The following ATP11C variants were observed in gnomAD, a reference collection of about 807,000 sequenced individuals.
ATP11C encodes ATPase phospholipid transporting 11C (ATP11C blood group).
Under a neutral mutation model 97.4 loss-of-function variants are expected in ATP11C, and 36 were observed. That is an observed-to-expected ratio of 0.37 (90% CI 0.28 to 0.49). ATP11C has a LOEUF of 0.49. ATP11C is among the 20% of genes least tolerant of loss of function. The probability of loss-of-function intolerance (pLI) is 0.98; values close to 1 mark genes in which losing one functional copy is unlikely to be tolerated. For synonymous variants in ATP11C, 275 were observed against 290.9 expected (o/e 0.95, Z 0.56); for missense variants, 730 against 824.6 (o/e 0.89, Z 1.40).
chrX:139,866,138 G>T (rs2084277640), intron 1 of ATP11C, among the ~76,000 whole-genome samples: 1 of 109,877 alleles, frequency 9.1e-6, no homozygotes, highest in African/African-American at 3.3e-5. Flanking sequence ...GAGGTCAGGA[G>T]TTCGAGACCA....
intron 1 of ATP11C, among the ~76,000 whole-genome samples, chrX:139,874,707 T>C: frequency 9.4e-6 from 1 of 105,900 alleles, no homozygotes; most frequent in Non-Finnish European, 1.9e-5. Flanking sequence ...CAGAGCTCTG[T>C]GTGTCAGGCC....
At chrX:139,779,509 C>G (rs976888041) in intron 18 of ATP11C, among the ~76,000 whole-genome samples, 2 of 111,619 alleles carry the variant, frequency 1.8e-5, no homozygotes, top group African/African-American at 6.5e-5. Flanking sequence ...GAAATTAAGG[C>G]AGAAACCAAA....
Position 139,731,707 on chromosome X carries a change from A to G in ATP11C, c.3337T>C (p.Ser1113Pro). 2 of 1,197,664 alleles carry G rather than the reference A, an allele frequency of 1.7e-6. No individual in the cohort carries two copies. Among genetic ancestry groups the G allele is most frequent in the Non-Finnish European group, 2.3e-6 (2 of 886,431 alleles). Reference sequence around the variant, plus strand: ...GTTCGTAAAAGAAGAGGTCTGACTGAAGGTCTGGCGGATAATGAGTCAGAT... The same window carrying G: ...GTTCGTAAAAGAAGAGGTCTGACTGGAGGTCTGGCGGATAATGAGTCAGAT... ...RASDSLSARP[S>P]VRPLLLRTFS... Residue 1113 changes from serine (S) to proline (P), a missense_variant, in exon 29 of 30, where the codon TCA becomes CCA. Coordinates refer to ENST00000682941, the MANE Select transcript of ATP11C (RefSeq NM_001353812.2).
intron 1 of ATP11C, among the ~76,000 whole-genome samples, chrX:139,828,446 G>C (rs2083576261): frequency 9.0e-6 from 1 of 110,951 alleles, no homozygotes; most frequent in Non-Finnish European, 1.9e-5. Context: ...AAGTGAAAGT[G>C]TGTGCACCTG....
chrX:139,778,980 A>G (rs989938897), intron 18 of ATP11C, among the ~76,000 whole-genome samples: 4 of 112,075 alleles, frequency 3.6e-5, no homozygotes, highest in Admixed American at 9.4e-5. Context: ...CAACAACAGT[A>G]AATAAAAAGA....
At chrX:139,846,789 T>C (rs1339598359) in intron 1 of ATP11C, among the ~76,000 whole-genome samples, 2 of 111,117 alleles carry the variant, frequency 1.8e-5, no homozygotes, top group Non-Finnish European at 3.8e-5. Context: ...GGATTTGGAG[T>C]AGGAAGCCTA....
chrX:139,787,885 A>G (rs1286386441), intron 14 of ATP11C, among the ~76,000 whole-genome samples: 2 of 112,419 alleles, frequency 1.8e-5, no homozygotes, highest in African/African-American at 6.5e-5. Context: ...CCTCAGAAAT[A>G]ACATGTGTTG....
At chrX:139,861,262 G>C (rs1281752338) in intron 1 of ATP11C, among the ~76,000 whole-genome samples, 2 of 111,808 alleles carry the variant, frequency 1.8e-5, no homozygotes, top group Non-Finnish European at 3.8e-5. Context: ...AAAAAGAGTA[G>C]ATCTGAGAAG....
intron 1 of ATP11C, among the ~76,000 whole-genome samples, chrX:139,829,173 G>A (rs1302184878): frequency 9.0e-6 from 1 of 111,563 alleles, no homozygotes; most frequent in Non-Finnish European, 1.9e-5. Context: ...CCACTCCTGA[G>A]CATTTTCCAA....
chrX:139,925,810 T>C (rs765854093), intron 1 of ATP11C, among the ~76,000 whole-genome samples: 1 of 112,102 alleles, frequency 8.9e-6, no homozygotes, highest in African/African-American at 3.2e-5. Flanking sequence ...TAAATACATA[T>C]GGCACAAGAA....
intron 1 of ATP11C, among the ~76,000 whole-genome samples, chrX:139,898,256 G>A (rs189920286): frequency 8.1e-5 from 9 of 111,597 alleles, no homozygotes; most frequent in Non-Finnish European, 1.7e-4. Flanking sequence ...AAAAGCACGT[G>A]TAGGGCTGTT....
At chrX:139,828,240 C>T (rs2083571589) in intron 1 of ATP11C, among the ~76,000 whole-genome samples, 2 of 111,743 alleles carry the variant, frequency 1.8e-5, no homozygotes, top group African/African-American at 6.5e-5. Context: ...GTCCAAGGTC[C>T]TTCGCATGCT....
chrX:139,827,472 A>G (rs1029236574), intron 1 of ATP11C, among the ~76,000 whole-genome samples: 9 of 111,771 alleles, frequency 8.1e-5, no homozygotes, highest in Admixed American at 7.6e-4. Context: ...TACATTTTTA[A>G]TAAGTAGACT....
intron 8 of ATP11C, 40 bp downstream of exon 8, chrX:139,800,020 C>CG (rs767763213): frequency 5.4e-6 from 3 of 556,427 alleles, no homozygotes; most frequent in Non-Finnish European, 8.7e-6. Flanking sequence ...TAGACCCCCC[C>CG]CCCCAACCAA....
chrX:139,842,071 G>A (rs1327840304), intron 1 of ATP11C, among the ~76,000 whole-genome samples: 3 of 111,949 alleles, frequency 2.7e-5, no homozygotes, highest in Non-Finnish European at 5.6e-5. Context: ...TCCTTCTGTC[G>A]CCCAGGCTGG....
At chrX:139,899,256 G>T (rs1431103922) in intron 1 of ATP11C, among the ~76,000 whole-genome samples, 2 of 110,825 alleles carry the variant, frequency 1.8e-5, no homozygotes, top group East Asian at 5.7e-4. Flanking sequence ...CGAGGCAGGG[G>T]GATCACTTGA....
At chrX:139,933,375 C>T (rs1603421516), upstream of ATP11C, among the ~76,000 whole-genome samples, 1 of 112,242 alleles carries the variant, frequency 8.9e-6, no homozygotes, top group East Asian at 2.8e-4. Flanking sequence ...GCTCCGAATC[C>T]TGGGAGCTTT....
At chrX:139,895,456 G>C (rs1295437766) in intron 1 of ATP11C, among the ~76,000 whole-genome samples, 1 of 111,173 alleles carries the variant, frequency 9.0e-6, no homozygotes, top group East Asian at 2.8e-4. Flanking sequence ...TTTTTGTAGA[G>C]ACAGGGTTTT....
intron 1 of ATP11C, among the ~76,000 whole-genome samples, chrX:139,879,808 T>C (rs922798683): frequency 1.8e-5 from 2 of 111,896 alleles, no homozygotes; most frequent in African/African-American, 6.5e-5. Context: ...AAGACTGGTG[T>C]TTCCAAATAG....
Sources: gnomAD v4.1 joint callset for allele counts (sites outside exome capture counted in the v4.1 genomes callset) on GRCh38, gnomAD v4.1.1 for gene constraint, MANE v1.5 for transcripts, NCBI Gene and HGNC (gene_info 2026-07-23, HGNC 2026-07-21) for gene names.